CTNND1: variants seen among roughly 807,000 people sequenced by gnomAD.
The protein encoded by CTNND1 is catenin delta 1, also known as catenin delta-1.
In CTNND1, 16 loss-of-function variants were observed where a neutral mutation model predicts 112.1. The ratio of observed to expected loss-of-function variants is 0.14; its 90% CI spans 0.10 to 0.22. CTNND1 has a LOEUF of 0.22. CTNND1 is among the 10% of genes least tolerant of loss of function. The pLI, the probability that CTNND1 is intolerant of heterozygous loss-of-function variation, is 1.00. For synonymous variants in CTNND1, 420 were observed against 446.5 expected, an observed-to-expected ratio of 0.94 and a Z score of 0.75; for missense variants, 1,008 against 1,257.0, an observed-to-expected ratio of 0.80 and a Z score of 3.00.
intron 16 of CTNND1, among the ~76,000 whole-genome samples, chr11:57,810,906 G>A (rs1031991332): frequency 2.0e-5 from 3 of 150,844 alleles, no homozygotes. Flanking sequence ...GCAGTGAGCC[G>A]ACATCACACT....
At chr11:57,764,899 C>G (rs1406438544) in intron 1 of CTNND1, among the ~76,000 whole-genome samples, 3 of 152,212 alleles carry the variant, frequency 2.0e-5, no homozygotes, top group Admixed American at 6.5e-5. Flanking sequence ...CCAACTCCCT[C>G]CAACTCCCCA....
chr11:57,796,524 T>G lies in CTNND1; in HGVS notation c.488T>G (p.Leu163Trp). 1.2e-6 allele frequency: 2 copies of G among 1,614,036 alleles called. No individual in the cohort carries two copies. Among genetic ancestry groups the G allele is most frequent in the Non-Finnish European group, 1.7e-6 (2 of 1,179,902 alleles). Residue 163 changes from leucine to tryptophan, a missense_variant, in exon 6 of 21, where the codon TTG becomes TGG. Leu to Trp is a moderately conservative substitution (Grantham distance 61). Transcript: ENST00000399050. ...VQPVAMGPDG[L>W]PVDASSVSNN... ...CCAGTCGCTATGGGACCAGACGGGT[T>G]GCCTGTGGATGCTTCATCAGTTTCT...
chr11:57,807,229 A>G (rs1280031679), intron 12 of CTNND1, among the ~76,000 whole-genome samples: 1 of 152,204 alleles, frequency 6.6e-6, no homozygotes, highest in Non-Finnish European at 1.5e-5. Flanking sequence ...GGTAGTATAG[A>G]GCAGAAATTT....
At chr11:57,779,340 G>C (rs993203256) in intron 1 of CTNND1, among the ~76,000 whole-genome samples, 2 of 152,172 alleles carry the variant, frequency 1.3e-5, no homozygotes, top group African/African-American at 4.8e-5. Context: ...CCTATGTCTA[G>C]ACTGAAATAG....
At chr11:57,778,629 G>A (rs1210048634) in intron 1 of CTNND1, among the ~76,000 whole-genome samples, 1 of 152,242 alleles carries the variant, frequency 6.6e-6, no homozygotes, top group Admixed American at 6.5e-5. Context: ...AAGGAGCTGA[G>A]CAGGGCAAAG....
chr11:57,792,407 G>C (rs1045144179), intron 3 of CTNND1, among the ~76,000 whole-genome samples: 2 of 152,210 alleles, frequency 1.3e-5, no homozygotes, highest in Non-Finnish European at 2.9e-5. Flanking sequence ...GGTTTTGTCT[G>C]TCTTCCTCTG....
In CTNND1 at chr11:57,808,372, T is replaced by C; in HGVS notation, c.2092-18T>C. 6.3e-7 allele frequency: 1 copy of C among 1,598,654 alleles called. No individual in the cohort carries two copies. Among genetic ancestry groups the C allele is most frequent in the Non-Finnish European group, 8.6e-7 (1 of 1,167,558 alleles). On this transcript the variant is annotated intron_variant, in intron 13 of 20. Transcript: ENST00000399050. ...GCCATTTGTAATTTGTTCCACCCCT[T>C]TCTATTTGCTATTCTAGTATGGTCG...
chr11:57,816,238 G>T (rs1202005143), intron 20 of CTNND1, 59 bp from the exon 21 acceptor site: 7 of 1,602,294 alleles, frequency 4.4e-6, no homozygotes, highest in Non-Finnish European at 6.0e-6. Context: ...ACTTTTTTGG[G>T]GGGGGTCTCC....
At chr11:57,774,370 T>C (rs143244093) in intron 1 of CTNND1, among the ~76,000 whole-genome samples, 1 of 152,194 alleles carries the variant, frequency 6.6e-6, no homozygotes, top group Non-Finnish European at 1.5e-5. Flanking sequence ...CAATCTGCAG[T>C]GTACAGAGGG....
chr11:57,779,714 A>AT (rs1449321194), intron 1 of CTNND1, among the ~76,000 whole-genome samples: 1 of 151,810 alleles, frequency 6.6e-6, no homozygotes, highest in East Asian at 1.9e-4. Flanking sequence ...TAGGGATTGG[A>AT]TTTTTTTTCT....
At chr11:57,795,506 C>G (rs2061268177) in intron 4 of CTNND1, 71 bp from the exon 5 acceptor site, 1 of 1,506,678 alleles carries the variant, frequency 6.6e-7, no homozygotes, top group East Asian at 2.4e-5. Context: ...ACCACTTATG[C>G]TTCTTATTAG....
chr11:57,774,767 G>A (rs750212534), intron 1 of CTNND1, among the ~76,000 whole-genome samples: 50 of 152,106 alleles, frequency 3.3e-4, no homozygotes, highest in Admixed American at 5.9e-4. Context: ...AGGCTGGAGT[G>A]CAGTGGCGTG....
In CTNND1 at chr11:57,802,047, T is replaced by C; in HGVS notation, c.1271T>C (p.Val424Ala). ...TTGTTAGACCATCCCAAAAAGGAAG[T>C]GCACCTTGGAGCCTGTGGAGCTCTC... ...VGLLDHPKKE[V>A]HLGACGALKN... Residue 424 changes from valine (V) to alanine (A), a missense_variant, in exon 7 of 21, where the codon GTG becomes GCG. Coordinates refer to ENST00000399050, the MANE Select transcript of CTNND1 (RefSeq NM_001085458.2). 1.2e-6 allele frequency: 2 copies of C among 1,614,026 alleles called. No individual in the cohort carries two copies. Among genetic ancestry groups the C allele is most frequent in the Non-Finnish European group, 1.7e-6 (2 of 1,179,900 alleles).
rs1022431967 is a variant in CTNND1 at position 57,795,505 on chromosome 11, G to A, written c.268-72G>A. 4 of 1,504,314 alleles carry A rather than the reference G, an allele frequency of 2.7e-6. No individual in the cohort carries two copies. The Admixed American group carries it at 9.3e-5, about 35-fold the overall frequency. The allele number at this position is 1,504,314 out of a possible 1,614,324, so 93.2% of individuals were successfully genotyped here. A position where few individuals can be genotyped will look rare whatever the true frequency, so the allele number is the denominator to read the frequency against. ...CCCTGTCTCCAGGTTTACCACTTAT[G>A]CTTCTTATTAGGATGGCTTGTTATA... On this transcript the variant is annotated intron_variant, in intron 4 of 20. Coordinates refer to ENST00000399050, the MANE Select transcript of CTNND1 (RefSeq NM_001085458.2).
Position 57,806,894 on chromosome 11 carries a change from C to T in CTNND1, c.1895-21C>T, listed in dbSNP as rs200371191. ...TTTTAAACTGGCTTACCCCTTTTCC[C>T]GCCCTTTTTCATTTTTGTAGGGAAA... On this transcript the variant is annotated intron_variant, in intron 11 of 20. Transcript: ENST00000399050. 1.2e-3 allele frequency: 1,934 copies of T among 1,573,376 alleles called. 2 individuals carry two copies. Among genetic ancestry groups the T allele is most frequent in the Non-Finnish European group, 1.5e-3 (1,757 of 1,157,318 alleles).
chr11:57,764,441 T>C (rs1262712282), intron 1 of CTNND1, among the ~76,000 whole-genome samples: 1 of 152,164 alleles, frequency 6.6e-6, no homozygotes, highest in African/African-American at 2.4e-5. Context: ...ATGAATGAGA[T>C]AGGATGGATG....
chr11:57,779,411 C>T (rs2059341910), intron 1 of CTNND1, among the ~76,000 whole-genome samples: 1 of 152,188 alleles, frequency 6.6e-6, no homozygotes, highest in Non-Finnish European at 1.5e-5. Flanking sequence ...GTTTTCCCTG[C>T]CTTCCATTCC....
At chr11:57,780,028 G>A (rs2059402868) in intron 1 of CTNND1, among the ~76,000 whole-genome samples, 1 of 148,878 alleles carries the variant, frequency 6.7e-6, no homozygotes, top group African/African-American at 2.5e-5. Flanking sequence ...TCAACTTTGG[G>A]TTAACTTCTT....
intron 3 of CTNND1, chr11:57,793,059 A>G (rs749006032): frequency 1.3e-5 from 2 of 152,124 alleles, no homozygotes; most frequent in African/African-American, 2.4e-5. Flanking sequence ...GAATTCCAGG[A>G]TTCAGTATGT....
Sources: allele counts gnomAD v4.1 joint callset (sites outside exome capture counted in the v4.1 genomes callset), GRCh38; gene constraint gnomAD v4.1.1; transcripts MANE v1.5; gene names NCBI Gene and HGNC (gene_info 2026-07-23, HGNC 2026-07-21).